Variants in MYO5B observed in about 807,000 individuals in gnomAD.
The protein encoded by MYO5B is myosin VB.
A neutral mutation model predicts 229.3 loss-of-function variants in MYO5B; 143 were observed. The observed-to-expected ratio is 0.62, with a 90% CI of 0.54 to 0.72. The LOEUF (loss-of-function observed/expected upper bound fraction) is 0.72, where lower values mean the gene tolerates loss of function less well. Among genes scored for constraint, MYO5B ranks in the 30% least tolerant of loss-of-function variants. The pLI is 0.00. For missense variants in MYO5B, 2,321 were observed against 2,331.0 expected (o/e 1.00, Z 0.09); for synonymous variants, 918 against 885.2 (o/e 1.04, Z -0.66).
chr18:50,194,910 G>C lies in MYO5B; in HGVS notation c.-117C>G. 8.3e-7 allele frequency: 1 copy of C among 1,204,500 alleles called. No homozygotes were observed. The highest frequency in any genetic ancestry group is 1.0e-6 in the Non-Finnish European group (1 of 968,628). 74.6% of individuals were successfully genotyped at this position (1,204,500 alleles called of 1,614,324 possible). A position where few individuals can be genotyped will look rare whatever the true frequency, so the allele number is the denominator to read the frequency against. On this transcript the variant is annotated 5_prime_UTR_variant, in exon 1 of 40. Transcript: ENST00000285039. ...TGGCCTGGAGTTTCTCGATCTTCTCGCTCTTCTCCGACCTGCCCCGCCGGC... is the reference window on the plus strand; with the variant it reads ...TGGCCTGGAGTTTCTCGATCTTCTCCCTCTTCTCCGACCTGCCCCGCCGGC...
intron 1 of MYO5B, among the ~76,000 whole-genome samples, chr18:50,101,069 A>G (rs2031645346): frequency 6.6e-6 from 1 of 152,248 alleles, no homozygotes; most frequent in Admixed American, 6.5e-5. Context: ...CATGGGGACA[A>G]TAGTTCACAA....
At chr18:49,894,491 TG>T (rs1184336245) in intron 22 of MYO5B, among the ~76,000 whole-genome samples, 1 of 152,188 alleles carries the variant, frequency 6.6e-6, no homozygotes, top group Non-Finnish European at 1.5e-5. Context: ...TGTGACAGGC[TG>T]AGACTTTAAG....
At chr18:50,021,311 T>A (rs186758884) in intron 4 of MYO5B, among the ~76,000 whole-genome samples, 2 of 152,166 alleles carry the variant, frequency 1.3e-5, no homozygotes, top group East Asian at 3.9e-4. Flanking sequence ...CCAGATTCAA[T>A]CCATGGAGAG....
intron 5 of MYO5B, among the ~76,000 whole-genome samples, chr18:50,000,037 C>T (rs2026028922): frequency 6.6e-6 from 1 of 152,358 alleles, no homozygotes; most frequent in Admixed American, 6.5e-5. Context: ...TGTTACTTAG[C>T]AGAGAATTAA....
intron 1 of MYO5B, among the ~76,000 whole-genome samples, chr18:50,081,553 A>G (rs1234720866): frequency 6.6e-6 from 1 of 152,184 alleles, no homozygotes. Context: ...ATACAATTTA[A>G]AAGCTCTCTC....
intron 1 of MYO5B, among the ~76,000 whole-genome samples, chr18:50,177,347 T>C (rs987893004): frequency 6.6e-6 from 1 of 152,246 alleles, no homozygotes; most frequent in African/African-American, 2.4e-5. Flanking sequence ...GAACTCATTT[T>C]AAGGTGGCAG....
At chr18:49,957,585 G>T (rs747679902) in intron 12 of MYO5B, among the ~76,000 whole-genome samples, 2 of 151,036 alleles carry the variant, frequency 1.3e-5, no homozygotes, top group African/African-American at 4.9e-5. Context: ...GGTTGGGGCC[G>T]CAGTGACAGC....
intron 1 of MYO5B, among the ~76,000 whole-genome samples, chr18:50,161,188 A>T (rs1177921976): frequency 2.0e-5 from 3 of 152,224 alleles, no homozygotes; most frequent in Non-Finnish European, 4.4e-5. Context: ...GTTTGAGACC[A>T]GCCTGGTCAA....
chr18:50,160,114 C>G (rs567055267), intron 1 of MYO5B, among the ~76,000 whole-genome samples: 5 of 152,352 alleles, frequency 3.3e-5, no homozygotes, highest in African/African-American at 1.2e-4. Flanking sequence ...CACTTCCCAG[C>G]GGATGATAAA....
Position 49,826,174 on chromosome 18 carries a change from T to A in MYO5B, c.*297A>T. The A allele has an allele frequency of 1.0e-5, 4 of 388,646 alleles. No individual in the cohort carries two copies. The highest frequency in any genetic ancestry group is 9.7e-5 in the South Asian group (4 of 41,238). 24.1% of individuals were successfully genotyped at this position (388,646 alleles called of 1,614,324 possible). A position where few individuals can be genotyped will look rare whatever the true frequency, so the allele number is the denominator to read the frequency against. ...AACTAGGCAGCTTCGTTTTATAGAA[T>A]TGACACCTTTTATATGTCTATGGGG... On this transcript the variant is annotated 3_prime_UTR_variant, in exon 40 of 40. Coordinates refer to ENST00000285039, the MANE Select transcript of MYO5B (RefSeq NM_001080467.3).
At chr18:50,081,298 C>T (rs921676546) in intron 1 of MYO5B, among the ~76,000 whole-genome samples, 1 of 152,188 alleles carries the variant, frequency 6.6e-6, no homozygotes, top group African/African-American at 2.4e-5. Flanking sequence ...CAAAAGGACC[C>T]TCCAAGCCCA....
intron 7 of MYO5B, among the ~76,000 whole-genome samples, chr18:49,989,013 G>C (rs542475769): frequency 5.9e-5 from 9 of 152,162 alleles, no homozygotes; most frequent in Non-Finnish European, 1.3e-4. Context: ...TACTTCCTGG[G>C]GGGAGCCTCC....
chr18:49,931,054 G>A (rs757800505), intron 16 of MYO5B, among the ~76,000 whole-genome samples: 4 of 152,242 alleles, frequency 2.6e-5, no homozygotes, highest in East Asian at 3.9e-4. Flanking sequence ...CAGAAGGGAC[G>A]AGGAACAAAT....
chr18:49,987,350 T>C (rs1191659396), intron 7 of MYO5B, among the ~76,000 whole-genome samples: 1 of 152,146 alleles, frequency 6.6e-6, no homozygotes, highest in East Asian at 1.9e-4. Context: ...TGGACCCTCT[T>C]AGTAAGGTAC....
chr18:50,008,541 T>G (rs1274615131), intron 4 of MYO5B, among the ~76,000 whole-genome samples: 3 of 152,162 alleles, frequency 2.0e-5, no homozygotes, highest in Non-Finnish European at 4.4e-5. Flanking sequence ...GGGGACTGAC[T>G]TGTGTGTGTG....
chr18:49,934,339 A>T (rs764904930), intron 16 of MYO5B, among the ~76,000 whole-genome samples: 1 of 152,196 alleles, frequency 6.6e-6, no homozygotes, highest in Non-Finnish European at 1.5e-5. Flanking sequence ...GTATCATGAC[A>T]TGGTCAGTAT....
chr18:50,034,972 A>T (rs780805374), intron 4 of MYO5B, among the ~76,000 whole-genome samples: 5 of 152,142 alleles, frequency 3.3e-5, no homozygotes, highest in Non-Finnish European at 5.9e-5. Flanking sequence ...CTCTCTACTG[A>T]CAAATTCATT....
In MYO5B at chr18:50,055,369, C is replaced by T; in HGVS notation, c.37G>A (p.Val13Ile). Residue 13 changes from valine (V) to isoleucine (I), a missense_variant, in exon 2 of 40, where the codon GTC becomes ATC. By Grantham distance (29) the Val-to-Ile change is conservative. Coordinates refer to ENST00000285039, the MANE Select transcript of MYO5B (RefSeq NM_001080467.3). The stretch of plus-strand genomic sequence containing the variant: ...ACCTCATCAGGGTCAGGGATCCAGA[C>T]CCTTGTGCACTGAAAGATTAAAACA... ...VGELYSQCTR[V>I]WIPDPDEVWR... 1 of 1,613,384 alleles carries T rather than the reference C, an allele frequency of 6.2e-7. No homozygotes were observed. The highest frequency in any genetic ancestry group is 2.2e-5 in the East Asian group (1 of 44,866).
intron 1 of MYO5B, among the ~76,000 whole-genome samples, chr18:50,184,323 C>A (rs993775851): frequency 6.6e-6 from 1 of 152,022 alleles, no homozygotes; most frequent in Admixed American, 6.6e-5. Flanking sequence ...CACATGGACT[C>A]GATCCTTCTC....
Sources: gnomAD v4.1 joint callset for allele counts (sites outside exome capture counted in the v4.1 genomes callset) on GRCh38, gnomAD v4.1.1 for gene constraint, MANE v1.5 for transcripts, NCBI Gene and HGNC (gene_info 2026-07-23, HGNC 2026-07-21) for gene names.